Variants in ANGPT1 observed in about 807,000 individuals in gnomAD.
ANGPT1 encodes the protein angiopoietin 1, also known as angiopoietin-1.
In ANGPT1, 17 loss-of-function variants were observed where a neutral mutation model predicts 62.2. The observed-to-expected ratio is 0.27, with a 90% CI of 0.19 to 0.41. ANGPT1 has a LOEUF of 0.41. Among genes scored for constraint, ANGPT1 ranks in the 10% least tolerant of loss-of-function variants. The pLI, the probability that ANGPT1 is intolerant of heterozygous loss-of-function variation, is 1.00. For missense variants in ANGPT1, 478 were observed against 594.9 expected (o/e 0.80, Z 2.04); for synonymous variants, 199 against 198.9 (o/e 1.00, Z 0.00).
chr8:107,355,308 T>G (rs536561427), intron 1 of ANGPT1, among the ~76,000 whole-genome samples: 1 of 152,248 alleles, frequency 6.6e-6, no homozygotes, highest in South Asian at 2.1e-4. Context: ...CAGACTCTCA[T>G]CAGTTTTCTT....
chr8:107,256,459 A>G (rs1454935579), intron 8 of ANGPT1, among the ~76,000 whole-genome samples: 7 of 152,206 alleles, frequency 4.6e-5, no homozygotes, highest in Non-Finnish European at 8.8e-5. Flanking sequence ...ATGCAGGCAA[A>G]AGTATAGCAG....
chr8:107,299,428 C>CATACATATATATACTAAGCATAT, intron 5 of ANGPT1, among the ~76,000 whole-genome samples: 1 of 118,748 alleles, frequency 8.4e-6, no homozygotes, highest in Middle Eastern at 4.8e-3. Context: ...TATAAACATA[C>CATACATATATATACTAAGCATAT]ATATATATAC....
At chr8:107,322,481 A>C (rs977069433) in intron 3 of ANGPT1, among the ~76,000 whole-genome samples, 1 of 152,126 alleles carries the variant, frequency 6.6e-6, no homozygotes, top group Non-Finnish European at 1.5e-5. Context: ...AATGGGCCTA[A>C]GAGGAAACAG....
At chr8:107,455,822 G>T (rs1430894666) in intron 1 of ANGPT1, among the ~76,000 whole-genome samples, 4 of 151,980 alleles carry the variant, frequency 2.6e-5, no homozygotes. Flanking sequence ...CTCCAAGAAA[G>T]AATCTGGTAG....
chr8:107,473,958 C>CA lies in ANGPT1; in HGVS notation c.297+23303dup, dbSNP rs367978226. 2.9e-3 allele frequency among the ~76,000 whole-genome samples: 434 copies of CA among 151,864 alleles called. 1 individual carries two copies. Among genetic ancestry groups the CA allele is most frequent in the African/African-American group, 9.8e-3 (407 of 41,426 alleles). ...AGGCAATAATTAATAGCCTACCAACCAAAAAAAGTCCAGGACCAGATGGAT... is the reference window on the plus strand; with the variant it reads ...AGGCAATAATTAATAGCCTACCAACCAAAAAAAAGTCCAGGACCAGATGGAT... On this transcript the variant is annotated intron_variant, in intron 1 of 8. Transcript: ENST00000517746.
intron 7 of ANGPT1, among the ~76,000 whole-genome samples, chr8:107,265,986 C>T (rs1444476437): frequency 6.6e-6 from 1 of 152,042 alleles, no homozygotes; most frequent in Non-Finnish European, 1.5e-5. Flanking sequence ...TACAAGTAAA[C>T]CTCAGTCAGT....
intron 1 of ANGPT1, among the ~76,000 whole-genome samples, chr8:107,380,697 T>C (rs1277591203): frequency 6.6e-6 from 1 of 152,122 alleles, no homozygotes; most frequent in Non-Finnish European, 1.5e-5. Flanking sequence ...CTCCAAAAAA[T>C]GGACCTATTG....
At chr8:107,309,282 A>G (rs1814793373) in intron 4 of ANGPT1, among the ~76,000 whole-genome samples, 1 of 152,168 alleles carries the variant, frequency 6.6e-6, no homozygotes, top group East Asian at 1.9e-4. Context: ...TCCTTGAGAC[A>G]TCATTATTAG....
chr8:107,395,225 G>A (rs1389246229), intron 1 of ANGPT1, among the ~76,000 whole-genome samples: 1 of 151,984 alleles, frequency 6.6e-6, no homozygotes, highest in African/African-American at 2.4e-5. Context: ...CATGCTGGGG[G>A]ATAGGACTGG....
chr8:107,357,446 C>A (rs968669818), intron 1 of ANGPT1, among the ~76,000 whole-genome samples: 6 of 152,090 alleles, frequency 3.9e-5, no homozygotes, highest in African/African-American at 1.4e-4. Context: ...ATTTAACCCC[C>A]TGCATGCTAC....
rs1313239948 is a variant in ANGPT1, at chr8:107,370,356, GA to G, written c.298-23260del. On this transcript the variant is annotated intron_variant, in intron 1 of 8. Transcript: ENST00000517746. ...AAAGAAAGAAAAAGAAAGAAAGAAA[GA>G]AAGAAAGAAAGAAAGAAAGAAAGAA... 4.1e-4 allele frequency among the ~76,000 whole-genome samples: 11 copies of G among 26,618 alleles called. 1 individual carries two copies. Among genetic ancestry groups the G allele is most frequent in the African/African-American group, 6.8e-4 (10 of 14,758 alleles). 17.5% of individuals were successfully genotyped at this position (26,618 alleles called of 152,430 possible).
chr8:107,282,178 T>A (rs1386458241), intron 7 of ANGPT1, among the ~76,000 whole-genome samples: 1 of 151,952 alleles, frequency 6.6e-6, no homozygotes, highest in Non-Finnish European at 1.5e-5. Context: ...GAGTAAGCAT[T>A]ATGTTTTAAT....
chr8:107,251,795 C>G lies in ANGPT1; in HGVS notation c.*60G>C. ...CTTCTGAAGTTTTCAAACAGTTTCT[C>G]ACCTGGCAGCTTCTCCGGATTTCTT... is the stretch of plus-strand genomic sequence containing the variant. On this transcript the variant is annotated 3_prime_UTR_variant, in exon 9 of 9. Coordinates refer to ENST00000517746, the MANE Select transcript of ANGPT1 (RefSeq NM_001146.5). 6.3e-7 allele frequency: 1 copy of G among 1,594,708 alleles called. No homozygotes were observed. Among genetic ancestry groups the G allele is most frequent in the Non-Finnish European group, 8.6e-7 (1 of 1,166,048 alleles).
chr8:107,364,946 G>T (rs1252185124), intron 1 of ANGPT1, among the ~76,000 whole-genome samples: 1 of 149,100 alleles, frequency 6.7e-6, no homozygotes, highest in Non-Finnish European at 1.5e-5. Context: ...AGGGAGCAAG[G>T]ATTGGAGGAA....
intron 7 of ANGPT1, among the ~76,000 whole-genome samples, chr8:107,268,300 G>C (rs1371566792): frequency 6.6e-6 from 1 of 152,030 alleles, no homozygotes; most frequent in Non-Finnish European, 1.5e-5. Flanking sequence ...CTACATTTCA[G>C]AAGTATAGCT....
intron 1 of ANGPT1, among the ~76,000 whole-genome samples, chr8:107,353,387 A>G (rs1332027664): frequency 1.3e-5 from 2 of 152,090 alleles, no homozygotes; most frequent in Non-Finnish European, 1.5e-5. Flanking sequence ...AGCCAACAAC[A>G]ATGGCTGTCG....
rs187071109 is a variant in ANGPT1 at position 107,447,811 on chromosome 8, C to G, written c.297+49451G>C. On this transcript the variant is annotated intron_variant, in intron 1 of 8. Transcript: ENST00000517746. ...GCTACAGTGGGATTCCTGACACATA[C>G]ACAGACACACATACACACACAATCC... Among the ~76,000 whole-genome samples, 992 of 152,332 alleles carry G rather than the reference C, an allele frequency of 6.5e-3. 5 individuals carry two copies. Among genetic ancestry groups the G allele is most frequent in the Non-Finnish European group, 0.011 (766 of 68,024 alleles).
intron 1 of ANGPT1, among the ~76,000 whole-genome samples, chr8:107,464,578 T>C (rs1812153423): frequency 6.6e-6 from 1 of 152,114 alleles, no homozygotes. Flanking sequence ...AAAAATAGCA[T>C]AAGGTAATTG....
chr8:107,434,474 C>T (rs1047724879), intron 1 of ANGPT1, among the ~76,000 whole-genome samples: 5 of 151,934 alleles, frequency 3.3e-5, no homozygotes, highest in East Asian at 1.9e-4. Context: ...TCAACGAAAT[C>T]GTGTATTGAC....
Sources: allele counts gnomAD v4.1 joint callset (sites outside exome capture counted in the v4.1 genomes callset), GRCh38; gene constraint gnomAD v4.1.1; transcripts MANE v1.5; gene names NCBI Gene and HGNC (gene_info 2026-07-23, HGNC 2026-07-21).